Variants in ANO2 observed in about 807,000 individuals in gnomAD.
The protein encoded by ANO2 is anoctamin-2.
ANO2 carries 101 observed loss-of-function variants against 124.2 expected under a neutral mutation model. The ratio of observed to expected loss-of-function variants is 0.81; its 90% confidence interval spans 0.69 to 0.96. The LOEUF (loss-of-function observed/expected upper bound fraction) is 0.96. Among genes scored for constraint, ANO2 ranks in the 40% least tolerant of loss-of-function variants. ANO2 has a pLI of 0.00. For missense variants in ANO2, 1,293 were observed against 1,274.5 expected, an observed-to-expected ratio of 1.01 and a Z score of -0.22; for synonymous variants, 486 against 482.5, an observed-to-expected ratio of 1.01 and a Z score of -0.09.
intron 14 of ANO2, among the ~76,000 whole-genome samples, chr12:5,699,560 T>A (rs1949321682): frequency 6.6e-6 from 1 of 151,014 alleles, no homozygotes. Context: ...CCAGCTAACA[T>A]CATAATGACA....
At chr12:5,853,369 C>T (rs1236996135) in intron 4 of ANO2, among the ~76,000 whole-genome samples, 1 of 151,558 alleles carries the variant, frequency 6.6e-6, no homozygotes, top group East Asian at 1.9e-4. Flanking sequence ...CCTCAAACAT[C>T]ATCTAAACTG....
At chr12:5,662,567 C>G (rs1041452655) in intron 14 of ANO2, among the ~76,000 whole-genome samples, 1 of 152,204 alleles carries the variant, frequency 6.6e-6, no homozygotes, top group Non-Finnish European at 1.5e-5. Context: ...CACCTATGGA[C>G]AGTCATCGCT....
At chr12:5,692,672 G>A (rs946451925) in intron 14 of ANO2, among the ~76,000 whole-genome samples, 2 of 152,116 alleles carry the variant, frequency 1.3e-5, no homozygotes, top group Non-Finnish European at 2.9e-5. Context: ...CAGTTTTCCT[G>A]TGAAACCCCT....
At chr12:5,838,636 G>T (rs932914023) in intron 4 of ANO2, among the ~76,000 whole-genome samples, 13 of 152,064 alleles carry the variant, frequency 8.5e-5, no homozygotes, top group Non-Finnish European at 1.5e-5. Flanking sequence ...CTCCTTCACC[G>T]CAAGGCTCAT....
Position 5,600,395 on chromosome 12 carries a change from G to A in ANO2, c.2088-766C>T, listed in dbSNP as rs112497912. On this transcript the variant is annotated intron_variant, in intron 19 of 24. Transcript: ENST00000682330. The stretch of plus-strand genomic sequence containing the variant: ...TAGAACTATGAGAAAATAAATTTCT[G>A]TCAGTTAAGCCTATGGCATTTTGTT... 2.2e-3 allele frequency among the ~76,000 whole-genome samples: 339 copies of A among 152,264 alleles called. 2 individuals are homozygous for A. Among genetic ancestry groups the A allele is most frequent in the African/African-American group, 7.8e-3 (326 of 41,550 alleles).
chr12:5,761,449 T>A (rs958796987), intron 10 of ANO2, among the ~76,000 whole-genome samples: 2 of 152,182 alleles, frequency 1.3e-5, no homozygotes, highest in African/African-American at 2.4e-5. Flanking sequence ...AAATTGGCCA[T>A]CTAAGCAGGT....
intron 1 of ANO2, among the ~76,000 whole-genome samples, chr12:5,932,961 G>C (rs1222117547): frequency 6.6e-6 from 1 of 152,202 alleles, no homozygotes; most frequent in African/African-American, 2.4e-5. Flanking sequence ...GAAAGGCAGT[G>C]ATTTGTATGA....
intron 3 of ANO2, among the ~76,000 whole-genome samples, chr12:5,896,292 AC>A (rs900735711): frequency 2.0e-5 from 3 of 152,316 alleles, no homozygotes; most frequent in South Asian, 4.1e-4. Flanking sequence ...CAAAACAAAA[AC>A]AAAAAAAGTA....
Position 5,570,472 on chromosome 12 carries a change from A to G in ANO2, c.2622-4809T>C, listed in dbSNP as rs1942040123. On this transcript the variant is annotated intron_variant, in intron 23 of 24. Coordinates refer to ENST00000682330, the MANE Select transcript of ANO2 (RefSeq NM_001364791.2). ...AAACCTGAAGTTTAAAAAAAAAAAG[A>G]AAAGAATCTTTGAAGATTTTTTATT... Among the ~76,000 whole-genome samples the G allele has an allele frequency of 2.7e-5, 4 of 150,658 alleles. No homozygotes were observed. The South Asian group carries it at 8.5e-4, about 32-fold the overall frequency.
chr12:5,647,956 C>T lies in ANO2; in HGVS notation c.1546-155G>A, dbSNP rs150803087. Among the ~76,000 whole-genome samples the T allele has an allele frequency of 1.1e-4, 17 of 152,240 alleles. 1 individual carries two copies. Among genetic ancestry groups the T allele is most frequent in the Admixed American group, 2.0e-4 (3 of 15,290 alleles). On this transcript the variant is annotated intron_variant, in intron 14 of 24. Coordinates refer to ENST00000682330, the MANE Select transcript of ANO2 (RefSeq NM_001364791.2). Reference sequence around the variant, plus strand: ...GCCTTACTCTCCATATCAACAACTGCCCTTCTAATTTTGTAATTTCTAGAT... The same window carrying T: ...GCCTTACTCTCCATATCAACAACTGTCCTTCTAATTTTGTAATTTCTAGAT...
chr12:5,733,676 C>T (rs557005257), intron 13 of ANO2, among the ~76,000 whole-genome samples: 2 of 152,168 alleles, frequency 1.3e-5, no homozygotes, highest in East Asian at 1.9e-4. Context: ...AGAGGACAGA[C>T]CATGTAAGTG....
intron 13 of ANO2, among the ~76,000 whole-genome samples, chr12:5,733,746 G>T (rs964343551): frequency 1.3e-5 from 2 of 152,210 alleles, no homozygotes; most frequent in Non-Finnish European, 2.9e-5. Context: ...CCCATTCTCC[G>T]AGGGGACGTC....
At chr12:5,699,445 C>A (rs1949316809) in intron 14 of ANO2, among the ~76,000 whole-genome samples, 1 of 152,058 alleles carries the variant, frequency 6.6e-6, no homozygotes, top group Non-Finnish European at 1.5e-5. Context: ...GAAGGAAGCA[C>A]TAAACATGGA....
chr12:5,946,220 A>G, upstream of ANO2: 2 of 1,598,748 alleles, frequency 1.3e-6, no homozygotes. This position sits in a 1 kb window ranked among gnomAD's most constrained non-coding sequence, Gnocchi z 4.1. Flanking sequence ...CACTTTATAG[A>G]GAAGGAGCCT....
intron 10 of ANO2, among the ~76,000 whole-genome samples, chr12:5,761,422 C>T (rs528712894): frequency 2.8e-4 from 42 of 152,258 alleles, no homozygotes; most frequent in African/African-American, 8.7e-4. Context: ...GTATTCTCCA[C>T]AGATATGGGT....
At chr12:5,729,970 G>T (rs116374740) in intron 14 of ANO2, among the ~76,000 whole-genome samples, 434 of 152,324 alleles carry the variant, frequency 2.8e-3, no homozygotes, top group African/African-American at 9.6e-3. Context: ...GAGACAGAAA[G>T]TAGATTAGTT....
At position 5,931,068 on chromosome 12, in the gene ANO2, C is replaced by T. The variant is rs1224565721; in HGVS notation, c.23-8264G>A. Among the ~76,000 whole-genome samples, 3 of 152,192 alleles carry T rather than the reference C, an allele frequency of 2.0e-5. No homozygotes were observed. In the South Asian group the frequency reaches 6.2e-4, roughly 31 times the overall value. The stretch of plus-strand genomic sequence containing the variant: ...TATCTTGCTTCTCTCTCATCCTGGG[C>T]TCACACCACAGCTACTATTACCATT... On this transcript the variant is annotated intron_variant, in intron 1 of 24. Transcript: ENST00000682330.
intron 16 of ANO2, among the ~76,000 whole-genome samples, chr12:5,631,078 A>C (rs529564504): frequency 8.5e-5 from 13 of 152,338 alleles, no homozygotes; most frequent in African/African-American, 2.9e-4. Flanking sequence ...GGGCTGAGCA[A>C]GAACACAGAT....
At chr12:5,685,163 G>A (rs1018821173) in intron 14 of ANO2, among the ~76,000 whole-genome samples, 1 of 152,196 alleles carries the variant, frequency 6.6e-6, no homozygotes, top group Non-Finnish European at 1.5e-5. Flanking sequence ...TGAGTGGCAG[G>A]AAAGGCCAAG....
Sources: gnomAD v4.1 joint callset for allele counts (sites outside exome capture counted in the v4.1 genomes callset) on GRCh38, gnomAD v4.1.1 for gene constraint, Gnocchi (gnomAD v3.1) non-coding constraint, MANE v1.5 for transcripts, NCBI Gene and HGNC (gene_info 2026-07-23, HGNC 2026-07-21) for gene names.